Variants in SLC38A9 observed in about 807,000 individuals in gnomAD.
SLC38A9 encodes the protein neutral amino acid transporter 9.
SLC38A9 carries 48 observed loss-of-function variants against 62.3 expected under a neutral mutation model. That is an observed-to-expected ratio of 0.77 (90% CI 0.61 to 0.98). SLC38A9 has a LOEUF of 0.98. SLC38A9 is among the 50% of genes least tolerant of loss of function. The probability of loss-of-function intolerance (pLI) is 0.00; values close to 1 mark genes in which losing one functional copy is unlikely to be tolerated. For missense variants in SLC38A9, 541 were observed against 679.8 expected (o/e 0.80, Z 2.27); for synonymous variants, 204 against 227.7 (o/e 0.90, Z 0.94).
intron 3 of SLC38A9, among the ~76,000 whole-genome samples, chr5:55,686,748 T>C (rs1396953333): frequency 6.6e-6 from 1 of 152,226 alleles, no homozygotes; most frequent in Non-Finnish European, 1.5e-5. Flanking sequence ...TTTATAGTTT[T>C]AGGTTTTATA....
At chr5:55,705,710 CTTT>C (rs35776949) in intron 2 of SLC38A9, among the ~76,000 whole-genome samples, 39 of 141,126 alleles carry the variant, frequency 2.8e-4, no homozygotes, top group Admixed American at 3.5e-4. Flanking sequence ...GCCTTAAACT[CTTT>C]TTTTTTTTTT....
intron 9 of SLC38A9, among the ~76,000 whole-genome samples, chr5:55,653,131 T>G (rs1165544934): frequency 6.6e-6 from 1 of 152,142 alleles, no homozygotes; most frequent in Non-Finnish European, 1.5e-5. Context: ...CATGCCCAGC[T>G]AATTTTTGTA....
At chr5:55,647,660 T>G (rs901772976) in intron 11 of SLC38A9, among the ~76,000 whole-genome samples, 2 of 152,200 alleles carry the variant, frequency 1.3e-5, no homozygotes, top group African/African-American at 4.8e-5. Flanking sequence ...CTTTTCTATC[T>G]TTTCTAATTA....
chr5:55,687,870 T>C (rs1257384732), intron 3 of SLC38A9, among the ~76,000 whole-genome samples: 1 of 152,084 alleles, frequency 6.6e-6, no homozygotes, highest in African/African-American at 2.4e-5. Flanking sequence ...GCTAATTTTT[T>C]GTATTTTTAG....
In SLC38A9 at chr5:55,697,949, T is replaced by A; in HGVS notation, c.10A>T (p.Met4Leu). Reference protein sequence around the residue: MANMNSDSRHLGTS... With the variant: MANLNSDSRHLGTS... The stretch of plus-strand genomic sequence containing the variant: ...CCAAGATGCCTAGAATCACTATTCA[T>A]ATTTGCCATTTTTCTCACACTCTAA... Residue 4 changes from methionine (M) to leucine (L), a missense_variant, in exon 3 of 16, where the codon ATG becomes TTG. Transcript: ENST00000396865. 1 of 1,587,042 alleles carries A rather than the reference T, an allele frequency of 6.3e-7. No individual in the cohort carries two copies. The highest frequency in any genetic ancestry group is 8.6e-7 in the Non-Finnish European group (1 of 1,165,140).
chr5:55,681,694 A>G (rs1408984647), intron 3 of SLC38A9, among the ~76,000 whole-genome samples: 1 of 152,156 alleles, frequency 6.6e-6, no homozygotes, highest in Non-Finnish European at 1.5e-5. Flanking sequence ...CCTCAGAAAC[A>G]AGGCAAGAGG....
intron 2 of SLC38A9, among the ~76,000 whole-genome samples, chr5:55,706,155 T>C (rs1247327428): frequency 6.6e-6 from 1 of 152,200 alleles, no homozygotes; most frequent in Non-Finnish European, 1.5e-5. Context: ...ATTTTTTGTC[T>C]CAAGGCTCAA....
chr5:55,637,519 T>A, intron 12 of SLC38A9, among the ~76,000 whole-genome samples: 1 of 152,208 alleles, frequency 6.6e-6, no homozygotes, highest in Non-Finnish European at 1.5e-5. Context: ...GGTTAATAGT[T>A]CTTGCATCAT....
chr5:55,671,719 A>G (rs1751364874), intron 4 of SLC38A9, among the ~76,000 whole-genome samples: 1 of 151,972 alleles, frequency 6.6e-6, no homozygotes. Context: ...GTGGTGGCGC[A>G]CACCTGTAAC....
At chr5:55,712,000 C>T (rs1192597577) in intron 1 of SLC38A9, among the ~76,000 whole-genome samples, 1 of 152,196 alleles carries the variant, frequency 6.6e-6, no homozygotes, top group Non-Finnish European at 1.5e-5. Context: ...TCCCTGAGCC[C>T]TTGAGGAGCG....
At chr5:55,650,236 G>A (rs1299046114) in intron 10 of SLC38A9, among the ~76,000 whole-genome samples, 1 of 151,994 alleles carries the variant, frequency 6.6e-6, no homozygotes, top group Non-Finnish European at 1.5e-5. Context: ...AGGTAAAATG[G>A]GCATTCAGAA....
intron 3 of SLC38A9, among the ~76,000 whole-genome samples, chr5:55,695,056 G>A (rs546160267): frequency 6.6e-6 from 1 of 152,198 alleles, no homozygotes; most frequent in African/African-American, 2.4e-5. Context: ...CGTGGCCCAA[G>A]AGCTCTTGCA....
intron 9 of SLC38A9, among the ~76,000 whole-genome samples, chr5:55,653,349 T>C (rs1747868327): frequency 6.6e-6 from 1 of 152,124 alleles, no homozygotes; most frequent in South Asian, 2.1e-4. Flanking sequence ...AGAGAGAAAA[T>C]ACTGGGCTGG....
At chr5:55,639,375 T>C (rs1205702050) in intron 12 of SLC38A9, among the ~76,000 whole-genome samples, 1 of 152,168 alleles carries the variant, frequency 6.6e-6, no homozygotes, top group Non-Finnish European at 1.5e-5. Context: ...AAGTTGAACT[T>C]GGAAAACCTG....
chr5:55,666,791 G>C (rs1750533141), intron 7 of SLC38A9, among the ~76,000 whole-genome samples: 1 of 144,292 alleles, frequency 6.9e-6, no homozygotes, highest in African/African-American at 2.7e-5. Context: ...ACTTTGGGAG[G>C]CCGAGGCGGA....
chr5:55,672,723 A>G (rs1268191987), intron 3 of SLC38A9, 28 bp from the exon 4 acceptor site: 1 of 1,591,878 alleles, frequency 6.3e-7, no homozygotes, highest in Non-Finnish European at 8.5e-7. Flanking sequence ...ACTTGACAAA[A>G]AGTGTTCAGC....
intron 9 of SLC38A9, among the ~76,000 whole-genome samples, chr5:55,655,012 T>A (rs61522918): frequency 0.59 from 89,933 of 151,274 alleles, 27,394 homozygotes; most frequent in South Asian, 0.7. Context: ...TAATTAAAAA[T>A]TTTTTTTTGT....
intron 12 of SLC38A9, among the ~76,000 whole-genome samples, chr5:55,638,843 C>G (rs546285717): frequency 6.6e-6 from 1 of 152,208 alleles, no homozygotes; most frequent in South Asian, 2.1e-4. Context: ...CAACTAAACA[C>G]AGACAAAACA....
Position 55,664,709 on chromosome 5 carries a change from A to G in SLC38A9, c.681T>C (p.Thr227=). ...GATACTTACTAAAAATAAACTTTCC[A>G]GTATTAAAAAGAAAATTTGACATAA... ...WVLMSNFLFN[T]GKFIFNFIHH... is the part of the protein sequence containing the mutation. Residue 227 remains threonine, a synonymous_variant, in exon 8 of 16, where the codon ACT becomes ACC. Transcript: ENST00000396865. 6.5e-7 allele frequency: 1 copy of G among 1,549,688 alleles called. No homozygotes were observed.
Sources: allele counts gnomAD v4.1 joint callset (sites outside exome capture counted in the v4.1 genomes callset), GRCh38; gene constraint gnomAD v4.1.1; transcripts MANE v1.5; gene names NCBI Gene and HGNC (gene_info 2026-07-23, HGNC 2026-07-21).